CHSY3: variants seen among roughly 807,000 people sequenced by gnomAD.
CHSY3 encodes the protein N-acetylgalactosaminyl-proteoglycan 3-beta-glucuronosyltransferase 3.
In CHSY3, 35 loss-of-function variants were observed where a neutral mutation model predicts 67.2. That is an observed-to-expected ratio of 0.52 (90% CI 0.40 to 0.69). The LOEUF (loss-of-function observed/expected upper bound fraction) is 0.69, where lower values mean the gene tolerates loss of function less well. Among genes scored for constraint, CHSY3 ranks in the 30% least tolerant of loss-of-function variants. CHSY3 has a pLI of 0.00. For missense variants in CHSY3, 1,069 were observed against 1,138.5 expected, an observed-to-expected ratio of 0.94 and a Z score of 0.88; for synonymous variants, 474 against 434.7, an observed-to-expected ratio of 1.09 and a Z score of -1.12.
At chr5:129,954,994 G>A (rs897303577) in intron 2 of CHSY3, among the ~76,000 whole-genome samples, 3 of 151,916 alleles carry the variant, frequency 2.0e-5, no homozygotes, top group Non-Finnish European at 4.4e-5. Flanking sequence ...TCAGCCTCCC[G>A]AGTAGGTGTG....
intron 2 of CHSY3, among the ~76,000 whole-genome samples, chr5:130,051,097 C>G (rs747795357): frequency 6.6e-6 from 1 of 151,964 alleles, no homozygotes; most frequent in Non-Finnish European, 1.5e-5. Context: ...GCAAGTAAAT[C>G]TTTAGTAAGA....
chr5:130,108,338 T>C (rs1767478523), intron 2 of CHSY3, among the ~76,000 whole-genome samples: 1 of 151,600 alleles, frequency 6.6e-6, no homozygotes, highest in Admixed American at 6.6e-5. Flanking sequence ...CCTGCGTTAG[T>C]GTTTTATATT....
intron 2 of CHSY3, among the ~76,000 whole-genome samples, chr5:130,176,939 A>G (rs997589730): frequency 6.6e-6 from 1 of 152,148 alleles, no homozygotes; most frequent in African/African-American, 2.4e-5. Context: ...GTGTATACCT[A>G]TGTAACATGT....
At chr5:130,117,936 T>C (rs1391856195) in intron 2 of CHSY3, among the ~76,000 whole-genome samples, 7 of 152,190 alleles carry the variant, frequency 4.6e-5, no homozygotes, top group Admixed American at 1.3e-4. Flanking sequence ...GATTGGACCA[T>C]GGAGGCAGAT....
intron 2 of CHSY3, among the ~76,000 whole-genome samples, chr5:130,033,395 C>T (rs1764755604): frequency 6.6e-6 from 1 of 152,120 alleles, no homozygotes; most frequent in Admixed American, 6.6e-5. Context: ...CCAGTTTAGA[C>T]CCAAAGAAGA....
intron 2 of CHSY3, among the ~76,000 whole-genome samples, chr5:130,000,753 T>C (rs1446091664): frequency 7.0e-6 from 1 of 141,948 alleles, no homozygotes; most frequent in Non-Finnish European, 1.5e-5. Context: ...TTTTTTTTTT[T>C]TTTTTGTAGA....
At chr5:130,023,902 A>G (rs1427654446) in intron 2 of CHSY3, among the ~76,000 whole-genome samples, 1 of 150,440 alleles carries the variant, frequency 6.6e-6, no homozygotes, top group East Asian at 2.0e-4. Context: ...TAAACATAAC[A>G]CAGTAAGACC....
intron 2 of CHSY3, among the ~76,000 whole-genome samples, chr5:130,137,043 G>A (rs537947546): frequency 6.6e-6 from 1 of 152,016 alleles, no homozygotes; most frequent in Non-Finnish European, 1.5e-5. Flanking sequence ...TGTTCTTTCT[G>A]TATTTTCCCT....
chr5:130,091,146 G>GCGCACACACACACACA, intron 2 of CHSY3, among the ~76,000 whole-genome samples: 1 of 149,550 alleles, frequency 6.7e-6, no homozygotes, highest in South Asian at 2.1e-4. Context: ...GCACACGCGC[G>GCGCACACACACACACA]CACACACACA....
At chr5:130,009,308 A>G (rs1763976908) in intron 2 of CHSY3, among the ~76,000 whole-genome samples, 1 of 152,182 alleles carries the variant, frequency 6.6e-6, no homozygotes, top group Non-Finnish European at 1.5e-5. Context: ...TTGGGAGCCT[A>G]TATTCAGCAT....
In CHSY3 at chr5:130,109,692, A is replaced by T. The variant is rs558436670; in HGVS notation, c.1087-74537A>T. On this transcript the variant is annotated intron_variant, in intron 2 of 2. Coordinates refer to ENST00000305031, the MANE Select transcript of CHSY3 (RefSeq NM_175856.5). ...ACACTTTCCTATTCTGAGGAGAGTA[A>T]TTTTTTTTTTAAGTGCATATTTACT... is the stretch of plus-strand genomic sequence containing the variant. 1.7e-4 allele frequency among the ~76,000 whole-genome samples: 25 copies of T among 149,742 alleles called. No individual in the cohort carries two copies. The South Asian group carries it at 5.3e-3, about 32-fold the overall frequency.
chr5:129,979,640 G>A (rs191370558), intron 2 of CHSY3, among the ~76,000 whole-genome samples: 226 of 152,082 alleles, frequency 1.5e-3, no homozygotes, highest in Non-Finnish European at 2.7e-3. Context: ...TTTACCTTAG[G>A]GTTCACTCTC....
intron 2 of CHSY3, among the ~76,000 whole-genome samples, chr5:129,977,345 A>G (rs1371550581): frequency 2.0e-5 from 3 of 152,224 alleles, no homozygotes; most frequent in African/African-American, 7.2e-5. Flanking sequence ...CAATCCTTTA[A>G]GAACAATGCT....
chr5:130,032,866 C>G (rs918351498), intron 2 of CHSY3, among the ~76,000 whole-genome samples: 3 of 152,106 alleles, frequency 2.0e-5, no homozygotes, highest in Non-Finnish European at 4.4e-5. Context: ...ATTAGTTGGG[C>G]CAGGGAAGCC....
At chr5:129,987,287 A>G (rs560223557) in intron 2 of CHSY3, among the ~76,000 whole-genome samples, 2 of 152,284 alleles carry the variant, frequency 1.3e-5, no homozygotes, top group African/African-American at 4.8e-5. Flanking sequence ...TGGTAGAACT[A>G]TTTGGAAAAT....
intron 2 of CHSY3, among the ~76,000 whole-genome samples, chr5:130,090,956 C>CT (rs1220951089): frequency 1.3e-5 from 2 of 152,102 alleles, no homozygotes; most frequent in African/African-American, 4.8e-5. Flanking sequence ...TGGCTAGAAG[C>CT]TATCTGTCTG....
At chr5:130,105,079 G>C (rs1767372571) in intron 2 of CHSY3, among the ~76,000 whole-genome samples, 1 of 151,518 alleles carries the variant, frequency 6.6e-6, no homozygotes, top group Non-Finnish European at 1.5e-5. Flanking sequence ...GTAGTTTTTA[G>C]GGATGAGTAA....
chr5:130,143,780 A>ATGTGTATATATATATATATG (rs1561557185), intron 2 of CHSY3, among the ~76,000 whole-genome samples: 1 of 60,408 alleles, frequency 1.7e-5, no homozygotes, highest in African/African-American at 9.3e-5. Flanking sequence ...ATATATATAT[A>ATGTGTATATATATATATATG]TGTGTATATA....
At chr5:130,089,297 C>T (rs1766790774) in intron 2 of CHSY3, among the ~76,000 whole-genome samples, 1 of 151,032 alleles carries the variant, frequency 6.6e-6, no homozygotes. Context: ...GGGTGCAGCA[C>T]ACCAGCATGG....
Sources: allele counts gnomAD v4.1 joint callset (sites outside exome capture counted in the v4.1 genomes callset), GRCh38; gene constraint gnomAD v4.1.1; transcripts MANE v1.5; gene names NCBI Gene and HGNC (gene_info 2026-07-23, HGNC 2026-07-21).